Variants in OTULIN observed in about 807,000 individuals in gnomAD.
OTULIN encodes ubiquitin thioesterase otulin.
Under a neutral mutation model 39.6 loss-of-function variants are expected in OTULIN, and 15 were observed. The observed-to-expected ratio is 0.38, with a 90% CI of 0.25 to 0.58. The LOEUF (loss-of-function observed/expected upper bound fraction) is 0.58, where lower values mean the gene tolerates loss of function less well. Ranked by LOEUF, OTULIN falls within the 20% of genes least tolerant of loss-of-function variation. OTULIN has a pLI of 0.66. For synonymous variants in OTULIN, 156 were observed against 170.3 expected, an observed-to-expected ratio of 0.92 and a Z score of 0.65; for missense variants, 319 against 445.9, an observed-to-expected ratio of 0.72 and a Z score of 2.56.
chr5:14,711,375 G>T, the OTULIN span: 9 of 1,405,110 alleles, frequency 6.4e-6, no homozygotes, highest in Admixed American at 1.2e-4. Flanking sequence ...AGAACCACGA[G>T]CAGGGAGACA....
chr5:14,711,344 T>C, the OTULIN span: 3 of 1,581,222 alleles, frequency 1.9e-6, no homozygotes, highest in Non-Finnish European at 1.7e-6. Context: ...TGTGGGGCTG[T>C]GGATGGGGAC....
chr5:14,683,831 G>A (rs751885464), intron 4 of OTULIN, among the ~76,000 whole-genome samples: 25 of 152,128 alleles, frequency 1.6e-4, no homozygotes, highest in East Asian at 3.9e-4. Flanking sequence ...ATTAAATAAA[G>A]TATAAAATTG....
At position 14,681,460 on chromosome 5, in the gene OTULIN, C is replaced by A; in HGVS notation, c.325-4C>A. The A allele has an allele frequency of 6.2e-7, 1 of 1,603,302 alleles. No homozygotes were observed. The highest frequency in any genetic ancestry group is 1.1e-5 in the South Asian group (1 of 89,028). Reference sequence around the variant, plus strand: ...ATTTTGAATTCTTTCATACCTTTTCCCAGGGCTATGAAGAGGTTTCTCAGA... The same window carrying A: ...ATTTTGAATTCTTTCATACCTTTTCACAGGGCTATGAAGAGGTTTCTCAGA... On this transcript the variant is annotated splice_polypyrimidine_tract_variant and splice_region_variant and intron_variant, in intron 3 of 6. Coordinates refer to ENST00000284274, the MANE Select transcript of OTULIN (RefSeq NM_138348.6).
intron 4 of OTULIN, among the ~76,000 whole-genome samples, chr5:14,684,823 G>A (rs773241063): frequency 2.0e-5 from 3 of 152,170 alleles, no homozygotes; most frequent in African/African-American, 7.2e-5. Context: ...AAGAAGACCC[G>A]GGCTTCCTTT....
At chr5:14,701,312 C>G (rs1736791519), downstream of OTULIN, among the ~76,000 whole-genome samples, 1 of 152,234 alleles carries the variant, frequency 6.6e-6, no homozygotes, top group Non-Finnish European at 1.5e-5. Context: ...GCCCTGTCCA[C>G]ACCCCTAGGT....
chr5:14,678,417 G>A (rs1050585675), intron 2 of OTULIN, among the ~76,000 whole-genome samples: 3 of 152,312 alleles, frequency 2.0e-5, no homozygotes, highest in Non-Finnish European at 1.5e-5. Flanking sequence ...TCTGATTCAC[G>A]TTTAGATGGA....
In OTULIN at chr5:14,692,990, C is replaced by G. The variant is rs1300866068; in HGVS notation, c.1001C>G (p.Ala334Gly). 1 of 1,614,046 alleles carries G rather than the reference C, an allele frequency of 6.2e-7. No individual in the cohort carries two copies. The highest frequency in any genetic ancestry group is 8.5e-7 in the Non-Finnish European group (1 of 1,180,048). ...PKDWPVVTLIAEDDRHYNIPV... is the reference protein window; with the variant it reads ...PKDWPVVTLIGEDDRHYNIPV... ...GACTGGCCAGTGGTAACGCTCATTG[C>G]TGAGGACGATCGGCACTATAACATC... Residue 334 changes from alanine to glycine, a missense_variant, in exon 7 of 7, where the codon GCT (alanine) becomes GGT (glycine). Ala to Gly is a moderately conservative substitution (Grantham distance 60). Around this residue, in one of 4 missense-constraint regions of OTULIN, gnomAD observed 106 missense variants for 192.8 expected, o/e 0.55. Transcript: ENST00000284274.
At chr5:14,688,560 A>G (rs1736444936) in intron 5 of OTULIN, among the ~76,000 whole-genome samples, 1 of 152,238 alleles carries the variant, frequency 6.6e-6, no homozygotes, top group Non-Finnish European at 1.5e-5. Flanking sequence ...TAGTGAACTG[A>G]GGGCCCTGAC....
intron 2 of OTULIN, among the ~76,000 whole-genome samples, chr5:14,676,171 TGTG>T (rs549606274): frequency 3.5e-4 from 53 of 152,360 alleles, no homozygotes; most frequent in African/African-American, 1.3e-3. Flanking sequence ...TTGTCACCCA[TGTG>T]GTGGTTAAAG....
chr5:14,672,214 G>T (rs189702461), intron 1 of OTULIN, among the ~76,000 whole-genome samples: 1 of 152,178 alleles, frequency 6.6e-6, no homozygotes. Context: ...TTGGTCAGGC[G>T]TTTGGACTGA....
At position 14,664,868 on chromosome 5, in the gene OTULIN, G is replaced by T; in HGVS notation, c.43G>T (p.Ala15Ser). ...TMPQPEAWPG[A>S]SCAETPAREA... ...GCCCCAGCCCGAAGCGTGGCCAGGC[G>T]CGAGCTGCGCCGAGACGCCGGCGCG... The change falls in exon 1 of 7, where the codon GCG becomes TCG. Residue 15 changes from alanine to serine, a missense_variant. By Grantham distance (99) the Ala-to-Ser change is moderately conservative. Coordinates refer to ENST00000284274, the MANE Select transcript of OTULIN (RefSeq NM_138348.6). 1 of 1,202,696 alleles carries T rather than the reference G, an allele frequency of 8.3e-7. No individual in the cohort carries two copies. Among genetic ancestry groups the T allele is most frequent in the Non-Finnish European group, 1.0e-6 (1 of 969,124 alleles). The allele number at this position is 1,202,696 out of a possible 1,614,324, so 74.5% of individuals were successfully genotyped here.
At chr5:14,707,892 A>G in the OTULIN span, 1 of 152,168 alleles carries the variant, frequency 6.6e-6, no homozygotes, top group African/African-American at 2.4e-5. Context: ...GACAAACCCG[A>G]TGCAGGCAGT....
Position 14,694,931 on chromosome 5 carries a change from C to T in OTULIN, c.*1883C>T, listed in dbSNP as rs1193113946. 7 of 152,638 alleles carry T rather than the reference C, an allele frequency of 4.6e-5. No homozygotes were observed. In the East Asian group the frequency reaches 1.2e-3, roughly 25 times the overall value. The allele number at this position is 152,638 out of a possible 1,614,324, so 9.5% of individuals were successfully genotyped here. A position where few individuals can be genotyped will look rare whatever the true frequency, so the allele number is the denominator to read the frequency against. The stretch of plus-strand genomic sequence containing the variant: ...TTCTGATGTTTTTTAAAGCACAACT[C>T]GAAACATTTCGATCATACATACATA... On this transcript the variant is annotated 3_prime_UTR_variant, in exon 7 of 7. Transcript: ENST00000284274.
intron 5 of OTULIN, among the ~76,000 whole-genome samples, chr5:14,689,720 T>C (rs1333670325): frequency 6.6e-6 from 1 of 152,132 alleles, no homozygotes; most frequent in Non-Finnish European, 1.5e-5. Flanking sequence ...TTCACACACA[T>C]GTGTTAGCTC....
chr5:14,690,348 G>A lies in OTULIN; in HGVS notation c.864+40G>A. ...TGAGCATGTATTACCCCAAAATAAA[G>A]CAGCTTTACTGATCAAACTTGATGT... On this transcript the variant is annotated intron_variant, in intron 6 of 6. Coordinates refer to ENST00000284274, the MANE Select transcript of OTULIN (RefSeq NM_138348.6). The surrounding 1 kb of genome is among the most constrained non-coding windows in gnomAD (Gnocchi z 4.5). The A allele has an allele frequency of 6.3e-7, 1 of 1,592,084 alleles. No individual in the cohort carries two copies. Among genetic ancestry groups the A allele is most frequent in the South Asian group, 1.1e-5 (1 of 88,308 alleles).
At chr5:14,688,812 G>A (rs1266818838) in intron 5 of OTULIN, among the ~76,000 whole-genome samples, 1 of 152,138 alleles carries the variant, frequency 6.6e-6, no homozygotes, top group Non-Finnish European at 1.5e-5. Context: ...GAACGAGAGG[G>A]CCCTTCAGCG....
At chr5:14,715,776 G>A in the OTULIN span, among the ~76,000 whole-genome samples, 2 of 152,302 alleles carry the variant, frequency 1.3e-5, no homozygotes, top group Non-Finnish European at 1.5e-5. Flanking sequence ...TCTGCAACCT[G>A]CTTTTCTGAT....
chr5:14,695,780 TCTAA>T lies in OTULIN; in HGVS notation c.*2735_*2738del, dbSNP rs1476937704. 6.6e-6 allele frequency: 1 copy of T among 152,244 alleles called. No homozygotes were observed. Among genetic ancestry groups the T allele is most frequent in the East Asian group, 1.9e-4 (1 of 5,208 alleles). The allele number at this position is 152,244 out of a possible 1,614,324, so 9.4% of individuals were successfully genotyped here. On this transcript the variant is annotated 3_prime_UTR_variant, in exon 7 of 7. Transcript: ENST00000284274. ...AACAAGAAACCAGTAATACATGGTCTCTAACTGATGATTCGGGCCTGGATTTGAT... is the reference window on the plus strand; with the variant it reads ...AACAAGAAACCAGTAATACATGGTCTCTGATGATTCGGGCCTGGATTTGAT...
chr5:14,691,844 T>C (rs1261773123), intron 6 of OTULIN, among the ~76,000 whole-genome samples: 1 of 152,246 alleles, frequency 6.6e-6, no homozygotes, highest in Non-Finnish European at 1.5e-5. Context: ...TCATATAATA[T>C]GTGGTCTTTT....
Sources: gnomAD v4.1 joint callset for allele counts (sites outside exome capture counted in the v4.1 genomes callset) on GRCh38, gnomAD v4.1.1 for gene constraint, gnomAD v4.1.1 regional missense constraint, Gnocchi (gnomAD v3.1) non-coding constraint, MANE v1.5 for transcripts, NCBI Gene and HGNC (gene_info 2026-07-23, HGNC 2026-07-21) for gene names.